NEBL: variants seen among roughly 807,000 people sequenced by gnomAD.
NEBL encodes the protein LIM and SH3 protein 2.
Under a neutral mutation model 140.2 loss-of-function variants are expected in NEBL, and 122 were observed. That is an observed-to-expected ratio of 0.87 (90% CI 0.75 to 1.01). NEBL has a LOEUF of 1.01. NEBL is among the 50% of genes least tolerant of loss of function. The probability of loss-of-function intolerance (pLI) is 0.00; values close to 1 mark genes in which losing one functional copy is unlikely to be tolerated. For synonymous variants in NEBL, 436 were observed against 398.9 expected, an observed-to-expected ratio of 1.09 and a Z score of -1.11; for missense variants, 1,365 against 1,231.3, an observed-to-expected ratio of 1.11 and a Z score of -1.62.
At chr10:20,928,872 G>T (rs1428025229) in intron 4 of NEBL, among the ~76,000 whole-genome samples, 1 of 152,132 alleles carries the variant, frequency 6.6e-6, no homozygotes, top group Non-Finnish European at 1.5e-5. Context: ...AAAATATTTT[G>T]ATCTTAGACT....
chr10:21,225,051 G>A (rs910117133), intron 3 of NEBL, among the ~76,000 whole-genome samples: 1 of 152,014 alleles, frequency 6.6e-6, no homozygotes, highest in Non-Finnish European at 1.5e-5. Context: ...GAATAACAGT[G>A]GTAAAAATGG....
intron 4 of NEBL, among the ~76,000 whole-genome samples, chr10:20,914,415 G>A (rs1023997638): frequency 3.3e-5 from 5 of 152,148 alleles, no homozygotes; most frequent in African/African-American, 4.8e-5. Flanking sequence ...TTTTCTATGA[G>A]ATTACCCTCT....
At chr10:20,966,221 G>A (rs1836308526) in intron 3 of NEBL, among the ~76,000 whole-genome samples, 1 of 152,134 alleles carries the variant, frequency 6.6e-6, no homozygotes, top group Non-Finnish European at 1.5e-5. Flanking sequence ...TGTATATGTT[G>A]CATGTATGCA....
chr10:21,289,865 T>TGGA (rs1843119500), intron 1 of NEBL, among the ~76,000 whole-genome samples: 1 of 152,232 alleles, frequency 6.6e-6, no homozygotes, highest in African/African-American at 2.4e-5. Context: ...AAGATGCTTA[T>TGGA]TCACTTGCCT....
chr10:20,810,732 G>A (rs955607959), intron 24 of NEBL, among the ~76,000 whole-genome samples: 2 of 152,134 alleles, frequency 1.3e-5, no homozygotes, highest in Admixed American at 1.3e-4. Flanking sequence ...AACTGGAAAA[G>A]AAAAACCTAG....
At chr10:20,878,630 T>C (rs763577831) in intron 5 of NEBL, among the ~76,000 whole-genome samples, 2 of 152,222 alleles carry the variant, frequency 1.3e-5, no homozygotes, top group Admixed American at 6.5e-5. Context: ...TCCAGAGGAA[T>C]ATCAACTACT....
chr10:21,206,968 CTT>C (rs1028716031), intron 3 of NEBL, among the ~76,000 whole-genome samples: 68 of 99,112 alleles, frequency 6.9e-4, no homozygotes, highest in African/African-American at 1.5e-3. Flanking sequence ...CTTTTTCTTT[CTT>C]TTTTTTTTTT....
intron 3 of NEBL, among the ~76,000 whole-genome samples, chr10:20,965,296 G>T (rs150399419): frequency 1.3e-5 from 2 of 152,190 alleles, no homozygotes; most frequent in African/African-American, 4.8e-5. Context: ...AGTGGGAAGC[G>T]CTAAGAGAGA....
At chr10:21,013,072 G>A (rs1471132532) in intron 3 of NEBL, among the ~76,000 whole-genome samples, 1 of 152,038 alleles carries the variant, frequency 6.6e-6, no homozygotes, top group African/African-American at 2.4e-5. Context: ...TTATCCAGGG[G>A]TACAATGGGG....
At chr10:21,104,618 T>C (rs983517915) in intron 2 of NEBL, among the ~76,000 whole-genome samples, 3 of 151,596 alleles carry the variant, frequency 2.0e-5, no homozygotes, top group Non-Finnish European at 4.4e-5. Context: ...GTTCAGTTGA[T>C]TTTTTTTTCA....
At chr10:21,255,577 C>T (rs1202559371) in intron 1 of NEBL, among the ~76,000 whole-genome samples, 2 of 152,184 alleles carry the variant, frequency 1.3e-5, no homozygotes, top group East Asian at 1.9e-4. Context: ...AGAGCTGACA[C>T]GTGGCTAGTG....
At chr10:21,058,698 T>G (rs977460163) in intron 2 of NEBL, among the ~76,000 whole-genome samples, 6 of 152,220 alleles carry the variant, frequency 3.9e-5, no homozygotes, top group Admixed American at 2.0e-4. Flanking sequence ...ATATCAGAGT[T>G]GCATGTAAAG....
chr10:20,929,679 C>T (rs1834085780), intron 4 of NEBL, among the ~76,000 whole-genome samples: 1 of 137,636 alleles, frequency 7.3e-6, no homozygotes, highest in South Asian at 2.2e-4. Context: ...TTCTCATTTA[C>T]AAGTGGGAGC....
intron 11 of NEBL, among the ~76,000 whole-genome samples, chr10:20,847,439 G>C (rs1842051975): frequency 6.6e-6 from 1 of 152,122 alleles, no homozygotes. Context: ...ATAAATTACT[G>C]TTATTTCTAC....
intron 26 of NEBL, among the ~76,000 whole-genome samples, chr10:20,805,617 C>T (rs1158360233): frequency 4.6e-5 from 7 of 152,150 alleles, no homozygotes; most frequent in South Asian, 4.1e-4. Context: ...TTTTGGGAGG[C>T]GGAGGCAAGT....
chr10:20,864,544 C>G (rs1182059958), intron 7 of NEBL, among the ~76,000 whole-genome samples: 1 of 152,158 alleles, frequency 6.6e-6, no homozygotes, highest in Non-Finnish European at 1.5e-5. Flanking sequence ...ATCCTTTCAT[C>G]AGACAGGTCT....
chr10:20,905,788 G>A (rs988626496), intron 4 of NEBL, among the ~76,000 whole-genome samples: 2 of 152,188 alleles, frequency 1.3e-5, no homozygotes, highest in Non-Finnish European at 2.9e-5. Flanking sequence ...AGAGATGAGG[G>A]AAGGAGAGGA....
chr10:21,143,423 G>C (rs940087569), intron 2 of NEBL, among the ~76,000 whole-genome samples: 1 of 145,926 alleles, frequency 6.9e-6, no homozygotes, highest in Non-Finnish European at 1.5e-5. Context: ...CACTCCAGCT[G>C]GGTGAAAAGA....
intron 3 of NEBL, among the ~76,000 whole-genome samples, chr10:20,978,867 C>G (rs894992489): frequency 6.6e-6 from 1 of 151,876 alleles, no homozygotes; most frequent in South Asian, 2.1e-4. Flanking sequence ...TCCATATCTA[C>G]CCCTAGAAAG....
Sources: gnomAD v4.1 joint callset for allele counts (sites outside exome capture counted in the v4.1 genomes callset) on GRCh38, gnomAD v4.1.1 for gene constraint, MANE v1.5 for transcripts, NCBI Gene and HGNC (gene_info 2026-07-23, HGNC 2026-07-21) for gene names.